VPS13D: variants seen among roughly 807,000 people sequenced by gnomAD.
VPS13D encodes the protein intermembrane lipid transfer protein VPS13D.
In VPS13D, 187 loss-of-function variants were observed where a neutral mutation model predicts 461.9. The ratio of observed to expected loss-of-function variants is 0.40; its 90% CI spans 0.36 to 0.46. The LOEUF (loss-of-function observed/expected upper bound fraction) is 0.46, where lower values mean the gene tolerates loss of function less well. VPS13D is among the 20% of genes least tolerant of loss of function. VPS13D has a pLI of 0.60. For synonymous variants in VPS13D, 1,951 were observed against 1,986.3 expected, an observed-to-expected ratio of 0.98 and a Z score of 0.47; for missense variants, 4,711 against 5,364.9, an observed-to-expected ratio of 0.88 and a Z score of 3.81.
chr1:12,275,494 G>A (rs1013528614), intron 18 of VPS13D, among the ~76,000 whole-genome samples: 2 of 152,158 alleles, frequency 1.3e-5, no homozygotes, highest in African/African-American at 2.4e-5. Flanking sequence ...AGAGAGGGAC[G>A]TAAGAAAGGG....
chr1:12,267,120 A>G, intron 14 of VPS13D, 109 bp downstream of exon 14: 3 of 1,215,726 alleles, frequency 2.5e-6, no homozygotes, highest in African/African-American at 1.5e-5. Context: ...CTTGAGACTG[A>G]TGGGCTGGGA....
chr1:12,261,463 T>C (rs191012965), intron 12 of VPS13D, among the ~76,000 whole-genome samples: 162 of 152,366 alleles, frequency 1.1e-3, no homozygotes, highest in African/African-American at 3.7e-3. Flanking sequence ...GTGTCCGATA[T>C]CTAGCCATAG....
intron 17 of VPS13D, 118 bp from the exon 18 acceptor site, chr1:12,272,885 A>G (rs954146497): frequency 1.3e-5 from 18 of 1,400,206 alleles, no homozygotes; most frequent in Non-Finnish European, 1.7e-5. Flanking sequence ...TTGCTGTAAT[A>G]CATTAGATCA....
Position 12,271,085 on chromosome 1 carries a change from C to T in VPS13D, c.2064C>T (p.Ile688=). 1 of 1,613,910 alleles carries T rather than the reference C, an allele frequency of 6.2e-7. No homozygotes were observed. The highest frequency in any genetic ancestry group is 2.2e-5 in the East Asian group (1 of 44,856). ...TGAAGATGCAGACCAAGGCAGAAATCCGGCAAACTCTTGATCGTTTGCTAG... is the reference window on the plus strand; with the variant it reads ...TGAAGATGCAGACCAAGGCAGAAATTCGGCAAACTCTTGATCGTTTGCTAG... The part of the protein sequence containing the change: ...NKLKMQTKAE[I]RQTLDRLLVG... Residue 688 remains isoleucine, a synonymous_variant, in exon 17 of 70, where the codon ATC becomes ATT. Coordinates refer to ENST00000620676, the MANE Select transcript of VPS13D (RefSeq NM_015378.4).
intron 46 of VPS13D, among the ~76,000 whole-genome samples, chr1:12,349,788 C>G (rs539917962): frequency 6.6e-6 from 1 of 152,280 alleles, no homozygotes; most frequent in Non-Finnish European, 1.5e-5. Context: ...GTACCTCATA[C>G]TGACTTTCTT....
At chr1:12,476,791 C>T (rs945026880) in intron 67 of VPS13D, among the ~76,000 whole-genome samples, 1 of 152,172 alleles carries the variant, frequency 6.6e-6, no homozygotes, top group African/African-American at 2.4e-5. Context: ...GTGGCACCTC[C>T]TCTCTACCCT....
chr1:12,423,988 C>CAAAAAAAGGCAA (rs1315579980), intron 65 of VPS13D, among the ~76,000 whole-genome samples: 1 of 152,162 alleles, frequency 6.6e-6, no homozygotes, highest in African/African-American at 2.4e-5. Flanking sequence ...TGACTTGTAT[C>CAAAAAAAGGCAA]TGTTTTTGTC....
chr1:12,328,862 A>G (rs1347451334), intron 36 of VPS13D, among the ~76,000 whole-genome samples: 2 of 152,062 alleles, frequency 1.3e-5, no homozygotes, highest in Admixed American at 1.3e-4. Context: ...GAGGAGAGTA[A>G]ATGAAAATCT....
chr1:12,248,128 A>G (rs536560279), intron 5 of VPS13D, among the ~76,000 whole-genome samples: 53 of 152,098 alleles, frequency 3.5e-4, no homozygotes, highest in Non-Finnish European at 1.2e-4. Context: ...ACCTCAGGTG[A>G]TCCGACTGCC....
chr1:12,497,628 A>C lies in VPS13D; in HGVS notation c.12791A>C (p.Glu4264Ala), dbSNP rs2100543116. ...AAACTCACAGACAACATACAGGACG[A>C]ATTGTAAGTTAGAGCATGGGAAACC... is the stretch of plus-strand genomic sequence containing the variant. ...LFKLTDNIQD[E>A]FFIAVENIDS... Residue 4264 changes from glutamate (E) to alanine (A), a missense_variant, in exon 68 of 70, where the codon GAA becomes GCA. Physicochemically the swap from Glu to Ala is moderately radical, Grantham distance 107. Coordinates refer to ENST00000620676, the MANE Select transcript of VPS13D (RefSeq NM_015378.4). The C allele has an allele frequency of 6.2e-7, 1 of 1,612,380 alleles. No homozygotes were observed. Among genetic ancestry groups the C allele is most frequent in the Non-Finnish European group, 8.5e-7 (1 of 1,179,460 alleles).
intron 24 of VPS13D, among the ~76,000 whole-genome samples, chr1:12,294,440 A>T (rs1642218357): frequency 6.6e-6 from 1 of 152,232 alleles, no homozygotes. Flanking sequence ...GTATAGAATG[A>T]TCTATTATTG....
intron 23 of VPS13D, among the ~76,000 whole-genome samples, chr1:12,292,174 G>C (rs1642149262): frequency 6.8e-6 from 1 of 147,772 alleles, no homozygotes; most frequent in South Asian, 2.2e-4. Flanking sequence ...CAGGAGAATA[G>C]CTTGAACCTG....
chr1:12,321,672 A>C, intron 32 of VPS13D, 137 bp from the exon 33 acceptor site: 1 of 923,280 alleles, frequency 1.1e-6, no homozygotes, highest in Non-Finnish European at 1.6e-6. Context: ...CACTCTTCAC[A>C]GTATTTATTT....
intron 57 of VPS13D, 105 bp downstream of exon 57, chr1:12,379,701 G>A (rs1190718093): frequency 1.4e-6 from 1 of 710,248 alleles, no homozygotes; most frequent in East Asian, 3.0e-5. Flanking sequence ...GGGAAAACTA[G>A]TTACAGAGCA....
At chr1:12,491,456 TG>T (rs2100522667) in intron 67 of VPS13D, among the ~76,000 whole-genome samples, 1 of 152,360 alleles carries the variant, frequency 6.6e-6, no homozygotes, top group Non-Finnish European at 1.5e-5. Flanking sequence ...GAATAATTAA[TG>T]CCTGGCTAAA....
intron 43 of VPS13D, 22 bp downstream of exon 43, chr1:12,345,531 A>G: frequency 3.8e-6 from 6 of 1,598,636 alleles, no homozygotes; most frequent in South Asian, 1.1e-5. Flanking sequence ...TCAGGAAGTC[A>G]GATGGTTAAG....
In VPS13D at chr1:12,276,415, C is replaced by G; in HGVS notation, c.2827C>G (p.Gln943Glu). 2 of 1,614,182 alleles carry G rather than the reference C, an allele frequency of 1.2e-6. No homozygotes were observed. Among genetic ancestry groups the G allele is most frequent in the Non-Finnish European group, 1.7e-6 (2 of 1,180,042 alleles). The change falls in exon 19 of 70, where the codon CAG (glutamine) becomes GAG (glutamate). Residue 943 changes from glutamine to glutamate, a missense_variant. Transcript: ENST00000620676. The surrounding 1 kb of genome is among the most constrained non-coding windows in gnomAD (Gnocchi z 4.5). Reference protein sequence around the residue: ...NLTQSIVLLEQHTREVLVESQ... With the variant: ...NLTQSIVLLEEHTREVLVESQ... ...AACCCAGAGCATTGTGTTGTTGGAG[C>G]AGCATACCCGCGAGGTTCTGGTGGA...
intron 10 of VPS13D, among the ~76,000 whole-genome samples, chr1:12,259,955 G>A (rs1039735479): frequency 6.8e-6 from 1 of 147,480 alleles, no homozygotes; most frequent in African/African-American, 2.5e-5. Context: ...GAAGCCCTTT[G>A]TAAACGGGGT....
chr1:12,311,365 T>C (rs947908091), intron 27 of VPS13D, 89 bp from the exon 28 acceptor site: 3 of 1,266,220 alleles, frequency 2.4e-6, no homozygotes, highest in East Asian at 2.4e-5. Context: ...TGTAGGTGAG[T>C]ACATTTTAGC....
Sources: allele counts gnomAD v4.1 joint callset (sites outside exome capture counted in the v4.1 genomes callset), GRCh38; gene constraint gnomAD v4.1.1; non-coding constraint Gnocchi (gnomAD v3.1); transcripts MANE v1.5; gene names NCBI Gene and HGNC (gene_info 2026-07-23, HGNC 2026-07-21).